The following PTPRD variants were observed in gnomAD, a reference collection of about 807,000 sequenced individuals.
The protein encoded by PTPRD is receptor-type tyrosine-protein phosphatase delta.
In PTPRD, 34 loss-of-function variants were observed where a neutral mutation model predicts 214.5. That is an observed-to-expected ratio of 0.16 (90% confidence interval 0.12 to 0.21). The LOEUF is 0.21. Ranked by LOEUF, PTPRD falls within the 10% of genes least tolerant of loss-of-function variation. PTPRD has a pLI of 1.00. For synonymous variants in PTPRD, 1,128 were observed against 845.7 expected (o/e 1.33, Z -5.79); for missense variants, 2,545 against 2,398.7 (o/e 1.06, Z -1.27).
At chr9:9,544,515 A>G (rs1269672962) in intron 8 of PTPRD, among the ~76,000 whole-genome samples, 1 of 151,628 alleles carries the variant, frequency 6.6e-6, no homozygotes, top group African/African-American at 2.4e-5. Context: ...ACTTAATGCA[A>G]TGATGCTAAA....
intron 4 of PTPRD, among the ~76,000 whole-genome samples, chr9:10,011,912 G>T (rs1030239665): frequency 6.6e-6 from 1 of 151,912 alleles, no homozygotes; most frequent in Non-Finnish European, 1.5e-5. Context: ...CCTTCATAGA[G>T]TCCCTTCCAT....
intron 5 of PTPRD, among the ~76,000 whole-genome samples, chr9:9,858,980 G>C (rs191766999): frequency 1.3e-5 from 2 of 152,058 alleles, no homozygotes; most frequent in Non-Finnish European, 1.5e-5. Flanking sequence ...ATCTCATCTC[G>C]AATAGGAATC....
chr9:9,469,898 A>G (rs532025209), intron 8 of PTPRD, among the ~76,000 whole-genome samples: 2 of 152,302 alleles, frequency 1.3e-5, no homozygotes, highest in African/African-American at 4.8e-5. Flanking sequence ...AAACCATTCA[A>G]TCAGGAATCA....
chr9:8,778,829 A>C lies in PTPRD; in HGVS notation c.-103-44883T>G, dbSNP rs73427026. ...TAAAAATGGAAATAATATCATACAG[A>C]GCCCATAGGGTTGCTCAATGGATTC... is the stretch of plus-strand genomic sequence containing the variant. On this transcript the variant is annotated intron_variant, in intron 11 of 45. Transcript: ENST00000381196. 8.5e-3 allele frequency among the ~76,000 whole-genome samples: 1,298 copies of C among 152,306 alleles called. 20 individuals carry two copies. The highest frequency in any genetic ancestry group is 0.03 in the African/African-American group (1,246 of 41,568).
chr9:9,533,920 CCTTA>C (rs1279377149), intron 8 of PTPRD, among the ~76,000 whole-genome samples: 10 of 152,058 alleles, frequency 6.6e-5, no homozygotes, highest in East Asian at 1.9e-4. Context: ...TTTACTGTAT[CCTTA>C]CTTAAGATGT....
At chr9:9,324,124 A>G (rs573419721) in intron 9 of PTPRD, among the ~76,000 whole-genome samples, 30 of 152,268 alleles carry the variant, frequency 2.0e-4, no homozygotes, top group African/African-American at 7.0e-4. Context: ...AGTCTTTGCT[A>G]TTGTGAATAG....
intron 8 of PTPRD, among the ~76,000 whole-genome samples, chr9:9,490,810 C>T (rs922360788): frequency 6.6e-6 from 1 of 151,468 alleles, no homozygotes; most frequent in Non-Finnish European, 1.5e-5. Flanking sequence ...AAATGAGGGA[C>T]AAGAAAAACT....
intron 9 of PTPRD, among the ~76,000 whole-genome samples, chr9:9,391,120 A>G (rs10816117): frequency 0.27 from 40,341 of 152,044 alleles, 5,495 homozygotes; most frequent in Middle Eastern, 0.3. Flanking sequence ...GAATAAAAAT[A>G]TGAAATGAAT....
intron 8 of PTPRD, among the ~76,000 whole-genome samples, chr9:9,474,042 C>T (rs531677441): frequency 2.2e-4 from 34 of 151,872 alleles, no homozygotes; most frequent in African/African-American, 7.2e-4. Flanking sequence ...ATTAGATGAA[C>T]GTCCTGAAGT....
chr9:9,615,054 G>A (rs763262769), intron 7 of PTPRD, among the ~76,000 whole-genome samples: 1 of 152,128 alleles, frequency 6.6e-6, no homozygotes. Flanking sequence ...GGTCAGCAAC[G>A]TGGGTGTAAG....
At chr9:8,527,456 T>C in intron 15 of PTPRD, 103 bp from the exon 16 acceptor site, 2 of 970,386 alleles carry the variant, frequency 2.1e-6, no homozygotes, top group South Asian at 1.5e-5. Flanking sequence ...ATATACTAAA[T>C]CATCTATGTT....
chr9:8,867,607 G>A (rs1307919808), intron 11 of PTPRD, among the ~76,000 whole-genome samples: 1 of 152,150 alleles, frequency 6.6e-6, no homozygotes, highest in Non-Finnish European at 1.5e-5. Flanking sequence ...CTAAGACGAT[G>A]GATATCAAAA....
intron 8 of PTPRD, among the ~76,000 whole-genome samples, chr9:9,455,175 G>A (rs1259086951): frequency 6.6e-6 from 1 of 151,716 alleles, no homozygotes; most frequent in Admixed American, 6.6e-5. Flanking sequence ...TGGTTATTCT[G>A]CAGTTGATAT....
At chr9:9,474,393 T>G (rs1395267196) in intron 8 of PTPRD, among the ~76,000 whole-genome samples, 2 of 152,110 alleles carry the variant, frequency 1.3e-5, no homozygotes, top group African/African-American at 2.4e-5. Flanking sequence ...CCAGCTTTAT[T>G]CTTTTTACAC....
At chr9:10,185,893 A>G (rs972174996) in intron 3 of PTPRD, among the ~76,000 whole-genome samples, 1 of 152,112 alleles carries the variant, frequency 6.6e-6, no homozygotes, top group Non-Finnish European at 1.5e-5. Context: ...GGAGAGGGCA[A>G]GTGTTTAATA....
chr9:10,259,682 G>T lies in PTPRD; in HGVS notation c.-545+81281C>A, dbSNP rs114388368. Among the ~76,000 whole-genome samples the T allele has an allele frequency of 1.8e-3, 275 of 152,152 alleles. 1 individual carries two copies. Among genetic ancestry groups the T allele is most frequent in the African/African-American group, 6.5e-3 (268 of 41,518 alleles). ...TTTTGGCCTAGTTAATAAAAAGTGG[G>T]TATCAACTTTAGTTCCTCAACAAAT... On this transcript the variant is annotated intron_variant, in intron 3 of 45. Transcript: ENST00000381196.
intron 37 of PTPRD, among the ~76,000 whole-genome samples, chr9:8,377,796 T>C (rs780643740): frequency 5.3e-5 from 8 of 152,100 alleles, no homozygotes; most frequent in Non-Finnish European, 1.2e-4. Flanking sequence ...ATTTTTTGGG[T>C]CCAGCAAATA....
intron 5 of PTPRD, among the ~76,000 whole-genome samples, chr9:9,827,464 C>A (rs1350899261): frequency 6.6e-6 from 1 of 152,102 alleles, no homozygotes; most frequent in African/African-American, 2.4e-5. Flanking sequence ...ATGTAGAAAG[C>A]TGAAACTGGA....
chr9:10,231,484 G>C (rs12002573), intron 3 of PTPRD, among the ~76,000 whole-genome samples: 20,005 of 151,890 alleles, frequency 0.13, 1,381 homozygotes, highest in Middle Eastern at 0.14. Flanking sequence ...TTATTGTATA[G>C]TCTCTGCTGA....
Sources: allele counts gnomAD v4.1 joint callset (sites outside exome capture counted in the v4.1 genomes callset), GRCh38; gene constraint gnomAD v4.1.1; transcripts MANE v1.5; gene names NCBI Gene and HGNC (gene_info 2026-07-23, HGNC 2026-07-21).